The following SMC1B variants were observed in gnomAD, a reference collection of about 807,000 sequenced individuals.
The protein encoded by SMC1B is structural maintenance of chromosomes protein 1B.
Under a neutral mutation model 157.9 loss-of-function variants are expected in SMC1B, and 60 were observed. The ratio of observed to expected loss-of-function variants is 0.38; its 90% CI spans 0.31 to 0.47. The LOEUF is 0.47. Among genes scored for constraint, SMC1B ranks in the 20% least tolerant of loss-of-function variants. SMC1B has a pLI of 0.99. For synonymous variants in SMC1B, 445 were observed against 483.0 expected, an observed-to-expected ratio of 0.92 and a Z score of 1.03; for missense variants, 1,165 against 1,426.2, an observed-to-expected ratio of 0.82 and a Z score of 2.95.
In SMC1B at chr22:45,408,257, C is replaced by G. The variant is rs560540082; in HGVS notation, c.298+453G>C. Among the ~76,000 whole-genome samples the G allele has an allele frequency of 3.3e-5, 5 of 152,272 alleles. No individual in the cohort carries two copies. In the South Asian group the frequency reaches 1.0e-3, roughly 32 times the overall value. ...TCTCCTGCCTCAGCCTCCCGAGTAGCTGGGACTACAGGTGCCTGCCACCTC... is the reference window on the plus strand; with the variant it reads ...TCTCCTGCCTCAGCCTCCCGAGTAGGTGGGACTACAGGTGCCTGCCACCTC... On this transcript the variant is annotated intron_variant, in intron 2 of 24. Coordinates refer to ENST00000357450, the MANE Select transcript of SMC1B (RefSeq NM_148674.5).
intron 23 of SMC1B, among the ~76,000 whole-genome samples, chr22:45,346,572 A>G (rs2086554231): frequency 1.3e-5 from 2 of 152,214 alleles, no homozygotes; most frequent in Non-Finnish European, 1.5e-5. Context: ...GGAAGTAGGA[A>G]TGGTAGCTTC....
chr22:45,349,364 T>C (rs2086586210), intron 23 of SMC1B, among the ~76,000 whole-genome samples: 1 of 145,392 alleles, frequency 6.9e-6, no homozygotes, highest in South Asian at 2.2e-4. Flanking sequence ...TGAGACAGAG[T>C]CTCACTCTGT....
intron 5 of SMC1B, among the ~76,000 whole-genome samples, chr22:45,400,918 A>G (rs2087185256): frequency 2.0e-5 from 3 of 152,118 alleles, no homozygotes; most frequent in Admixed American, 2.0e-4. Flanking sequence ...CCATCAGACA[A>G]ATCCGGATTG....
intron 2 of SMC1B, 22 bp downstream of exon 2, chr22:45,408,688 A>G (rs751424599): frequency 2.7e-6 from 4 of 1,497,066 alleles, no homozygotes; most frequent in South Asian, 2.5e-5. Context: ...AAATAAAATG[A>G]AAAAAAATTA....
intron 16 of SMC1B, 146 bp downstream of exon 16, chr22:45,362,739 C>G (rs1181896125): frequency 4.6e-6 from 3 of 648,384 alleles, no homozygotes; most frequent in Non-Finnish European, 7.7e-6. Context: ...ATTCATAAAG[C>G]TCTGCTGATT....
At chr22:45,390,354 A>G (rs1056096084) in intron 9 of SMC1B, among the ~76,000 whole-genome samples, 1 of 152,178 alleles carries the variant, frequency 6.6e-6, no homozygotes, top group African/African-American at 2.4e-5. Context: ...ATGGAGCTAG[A>G]CACTGACAGA....
chr22:45,411,260 A>G (rs915750921), intron 1 of SMC1B, among the ~76,000 whole-genome samples: 11 of 152,366 alleles, frequency 7.2e-5, no homozygotes, highest in Middle Eastern at 3.4e-3. Flanking sequence ...TGAAAATAAG[A>G]AGGAAATAAG....
Position 45,408,846 on chromosome 22 carries a change from A to T in SMC1B, c.162T>A (p.Ala54=). 1 of 1,566,704 alleles carries T rather than the reference A, an allele frequency of 6.4e-7. No homozygotes were observed. The highest frequency in any genetic ancestry group is 2.3e-5 in the East Asian group (1 of 43,874). ...CTTGAATATTTTTCACTCTTAAATT[A>T]GCTATTTTCTCTCCCATTACAAAAC... is the stretch of plus-strand genomic sequence containing the variant. ...ALSFVMGEKI[A]NLRVKNIQEL... The change falls in exon 2 of 25, where the codon GCT becomes GCA. Residue 54 remains alanine, a synonymous_variant. Coordinates refer to ENST00000357450, the MANE Select transcript of SMC1B (RefSeq NM_148674.5).
Position 45,408,902 on chromosome 22 carries a change from G to C in SMC1B, c.110-4C>G. 6.8e-7 allele frequency: 1 copy of C among 1,465,800 alleles called. No homozygotes were observed. The highest frequency in any genetic ancestry group is 9.1e-7 in the Non-Finnish European group (1 of 1,102,262). The allele number at this position is 1,465,800 out of a possible 1,614,324, so 90.8% of individuals were successfully genotyped here. ...GCATCCATTACATTAGATTTTCCTG[G>C]GGAAGAAAAGAGATAAAACATTATT... On this transcript the variant is annotated splice_polypyrimidine_tract_variant and splice_region_variant and intron_variant, in intron 1 of 24. Transcript: ENST00000357450.
In SMC1B at chr22:45,349,912, T is replaced by C; in HGVS notation, c.3426-115A>G. 6 of 820,956 alleles carry C rather than the reference T, an allele frequency of 7.3e-6. No individual in the cohort carries two copies. In the South Asian group the frequency reaches 8.9e-5, roughly 12 times the overall value. 50.9% of individuals were successfully genotyped at this position (820,956 alleles called of 1,614,324 possible). A position where few individuals can be genotyped will look rare whatever the true frequency, so the allele number is the denominator to read the frequency against. The stretch of plus-strand genomic sequence containing the variant: ...TAAAACACATTCTTTTGGATATTTC[T>C]AAGTAATCGGTGACCTCTATGTTAC... On this transcript the variant is annotated intron_variant, in intron 22 of 24. Transcript: ENST00000357450.
rs751232059 is a variant in SMC1B at position 45,399,313 on chromosome 22, T to C, written c.895A>G (p.Ile299Val). The C allele has an allele frequency of 7.4e-6, 12 of 1,613,982 alleles. No homozygotes were observed. The highest frequency in any genetic ancestry group is 1.7e-5 in the Admixed American group (1 of 60,008). Reference sequence around the variant, plus strand: ...TGAGAAGTGTTTTCTTTGGCTTTAATGTACTGAGGCCTCTTCTGATTTAAA... The same window carrying C: ...TGAGAAGTGTTTTCTTTGGCTTTAACGTACTGAGGCCTCTTCTGATTTAAA... Reference protein sequence around the residue: ...TLLNQKRPQYIKAKENTSHHL... With the variant: ...TLLNQKRPQYVKAKENTSHHL... The change falls in exon 6 of 25, where the codon ATT (isoleucine) becomes GTT (valine). Residue 299 changes from isoleucine to valine, a missense_variant. By Grantham distance (29) the Ile-to-Val change is conservative. Transcript: ENST00000357450.
chr22:45,348,325 G>A lies in SMC1B; in HGVS notation c.3495+1403C>T, dbSNP rs77943311. Among the ~76,000 whole-genome samples, 465 of 152,324 alleles carry A rather than the reference G, an allele frequency of 3.1e-3. 11 individuals carry two copies. Among genetic ancestry groups the A allele is most frequent in the East Asian group, 0.03 (155 of 5,186 alleles). ...CCAGCACTTTGGGAGGTTGAAGCGG[G>A]TAGATCTCTTGAGCCCAAGAGTTTG... On this transcript the variant is annotated intron_variant, in intron 23 of 24. Transcript: ENST00000357450.
At chr22:45,371,228 G>T (rs1248899941) in intron 14 of SMC1B, among the ~76,000 whole-genome samples, 1 of 152,208 alleles carries the variant, frequency 6.6e-6, no homozygotes, top group Non-Finnish European at 1.5e-5. Flanking sequence ...AGTGGGCAAG[G>T]AGAGGTTGGA....
chr22:45,372,739 G>A (rs1342381606), intron 12 of SMC1B, among the ~76,000 whole-genome samples: 1 of 129,638 alleles, frequency 7.7e-6, no homozygotes, highest in African/African-American at 3.3e-5. Flanking sequence ...TTGAGACAGA[G>A]TCTTGCTCTG....
intron 12 of SMC1B, among the ~76,000 whole-genome samples, chr22:45,379,384 TG>T (rs1309589332): frequency 6.6e-6 from 1 of 152,278 alleles, no homozygotes; most frequent in African/African-American, 2.4e-5. Context: ...AATCTACTCA[TG>T]TTTACCGTAA....
chr22:45,394,707 C>G lies in SMC1B; in HGVS notation c.1315G>C (p.Glu439Gln). 6.4e-7 allele frequency: 1 copy of G among 1,563,778 alleles called. No individual in the cohort carries two copies. The highest frequency in any genetic ancestry group is 8.7e-7 in the Non-Finnish European group (1 of 1,149,042). The stretch of plus-strand genomic sequence containing the variant: ...TACATGCATGTCTTTGTATACTCCT[C>G]TAACTTCTCTATTCGTTTTTTATGA... ...EDHKKRIEKL[E>Q]EYTKTCMDCL... is the part of the protein sequence containing the mutation. The change falls in exon 8 of 25, where the codon GAG becomes CAG. Residue 439 changes from glutamate (E) to glutamine (Q), a missense_variant. Transcript: ENST00000357450.
intron 1 of SMC1B, among the ~76,000 whole-genome samples, chr22:45,412,799 T>C (rs188739508): frequency 1.8e-4 from 27 of 152,264 alleles, no homozygotes; most frequent in Non-Finnish European, 1.8e-4. Context: ...GCCAGGAACT[T>C]AGGAAAAGCT....
In SMC1B at chr22:45,406,780, G is replaced by C; in HGVS notation, c.384C>G (p.Val128=). 2 of 1,594,586 alleles carry C rather than the reference G, an allele frequency of 1.3e-6. No individual in the cohort carries two copies. The highest frequency in any genetic ancestry group is 1.4e-5 in the African/African-American group (1 of 73,486). The change falls in exon 3 of 25, where the codon GTC becomes GTG. Residue 128 remains valine, a synonymous_variant. Transcript: ENST00000357450. ...GAAAAACCAAACAATTTTGTGCTTT[G>C]ACTATTATGCCTATCTTTTCCAACT... ...IAELEKIGII[V]KAQNCLVFQG... is the part of the protein sequence containing the mutation.
rs80044061 is a variant in SMC1B, at chr22:45,406,591, C to A, written c.484G>T (p.Gly162Ter). 1 of 1,613,558 alleles carries A rather than the reference C, an allele frequency of 6.2e-7. No individual in the cohort carries two copies. The highest frequency in any genetic ancestry group is 8.5e-7 in the Non-Finnish European group (1 of 1,179,918). ...TQFFEEISTS[G>*]ELIGEYEEKK... Reference sequence around the variant, plus strand: ...TCTTCATATTCTCCTATAAGCTCTCCTGAAGTGCTGATTTCCTCAAAAAAC... The same window carrying A: ...TCTTCATATTCTCCTATAAGCTCTCATGAAGTGCTGATTTCCTCAAAAAAC... The change falls in exon 4 of 25, where the codon GGA becomes TGA. Residue 162 changes from glycine to a stop codon, truncating the protein, a stop_gained. Coordinates refer to ENST00000357450, the MANE Select transcript of SMC1B (RefSeq NM_148674.5). LOFTEE classifies it high-confidence loss of function.
Sources: gnomAD v4.1 joint callset for allele counts (sites outside exome capture counted in the v4.1 genomes callset) on GRCh38, gnomAD v4.1.1 for gene constraint, MANE v1.5 for transcripts, NCBI Gene and HGNC (gene_info 2026-07-23, HGNC 2026-07-21) for gene names.